The following CPA4 variants were observed in gnomAD, a reference collection of about 807,000 sequenced individuals.
CPA4 encodes the protein carboxypeptidase A4.
A neutral mutation model predicts 54.7 loss-of-function variants in CPA4; 49 were observed. The ratio of observed to expected loss-of-function variants is 0.90; its 90% CI spans 0.71 to 1.14. The LOEUF (loss-of-function observed/expected upper bound fraction) is 1.14. Among genes scored for constraint, CPA4 ranks in the 50% most tolerant of loss-of-function variants. The probability of loss-of-function intolerance (pLI) is 0.00; values close to 1 mark genes in which losing one functional copy is unlikely to be tolerated. For synonymous variants in CPA4, 215 were observed against 206.8 expected, an observed-to-expected ratio of 1.04 and a Z score of -0.34; for missense variants, 487 against 525.1, an observed-to-expected ratio of 0.93 and a Z score of 0.71.
At position 130,310,833 on chromosome 7, in the gene CPA4, C is replaced by G. The variant is rs776540909; in HGVS notation, c.840C>G (p.Pro280=). 1 of 1,614,234 alleles carries G rather than the reference C, an allele frequency of 6.2e-7. No individual in the cohort carries two copies. The highest frequency in any genetic ancestry group is 8.5e-7 in the Non-Finnish European group (1 of 1,180,038). Residue 280 remains proline (P), a synonymous_variant, in exon 9 of 11, where the codon CCC becomes CCG. Transcript: ENST00000222482. The surrounding 1 kb of genome is among the most constrained non-coding windows in gnomAD (Gnocchi z 4.3). ...CTTGCTCCGAAGTGTACCATGGACC[C>G]CACGCCAATTCGGAAGTGGAGGTGA... The part of the protein sequence containing the change: ...DNPCSEVYHG[P]HANSEVEVKS...
chr7:130,293,285 G>A (rs747582956), intron 1 of CPA4, 37 bp downstream of exon 1: 1 of 1,191,412 alleles, frequency 8.4e-7, no homozygotes, highest in East Asian at 2.3e-5. Flanking sequence ...GGTTATTTCA[G>A]AAATATGGGA....
At chr7:130,316,800 G>T (rs1324862168) in intron 10 of CPA4, among the ~76,000 whole-genome samples, 1 of 151,874 alleles carries the variant, frequency 6.6e-6, no homozygotes, top group Non-Finnish European at 1.5e-5. Context: ...GGGCATTGTG[G>T]TGTGCGCCTG....
chr7:130,296,547 C>T (rs1793651301), intron 1 of CPA4, among the ~76,000 whole-genome samples: 1 of 152,146 alleles, frequency 6.6e-6, no homozygotes, highest in Non-Finnish European at 1.5e-5. Flanking sequence ...TTATGTCCTC[C>T]TTTTTTCTCC....
At chr7:130,311,190 A>G (rs183196625) in intron 9 of CPA4, among the ~76,000 whole-genome samples, 169 of 152,200 alleles carry the variant, frequency 1.1e-3, no homozygotes, top group African/African-American at 3.9e-3. Flanking sequence ...TGTGTCTGCT[A>G]TGAGTTCCCA....
chr7:130,303,246 A>G (rs1424196195), intron 4 of CPA4, among the ~76,000 whole-genome samples: 2 of 137,874 alleles, frequency 1.5e-5, no homozygotes, highest in Non-Finnish European at 3.3e-5. Context: ...GATAAATTCT[A>G]TTTAAATCGA....
Position 130,298,846 on chromosome 7 carries a change from C to T in CPA4, c.150+19C>T, listed in dbSNP as rs778161334. ...CTTGAAGGTACCTGGTTCTTTTTAG[C>T]TCTCCTGAGTGTTTTCTAACTTTGC... On this transcript the variant is annotated intron_variant, in intron 2 of 10. Transcript: ENST00000222482. 11 of 1,470,450 alleles carry T rather than the reference C, an allele frequency of 7.5e-6. 1 individual carries two copies. In the East Asian group the frequency reaches 1.6e-4, roughly 21 times the overall value. 91.1% of individuals were successfully genotyped at this position (1,470,450 alleles called of 1,614,324 possible).
intron 8 of CPA4, among the ~76,000 whole-genome samples, chr7:130,309,350 C>A (rs1209092596): frequency 1.3e-5 from 2 of 152,196 alleles, no homozygotes; most frequent in African/African-American, 4.8e-5. Flanking sequence ...AAGTTGTGAG[C>A]AGGCGGAAGG....
intron 10 of CPA4, among the ~76,000 whole-genome samples, chr7:130,319,962 C>T (rs1300180234): frequency 6.6e-6 from 1 of 152,022 alleles, no homozygotes; most frequent in East Asian, 1.9e-4. Flanking sequence ...GGTGGTGGGG[C>T]AGGTATGGGG....
rs747011709 is a variant in CPA4, at chr7:130,322,625, G to C, written c.1215G>C (p.Thr405=). ...ANQIIPTAEE[T]WLGLKTIMEH... ...AGATCATCCCCACTGCAGAGGAGAC[G>C]TGGCTGGGGCTGAAGACCATCATGG... The change falls in exon 11 of 11, where the codon ACG becomes ACC. Residue 405 remains threonine (T), a synonymous_variant. Coordinates refer to ENST00000222482, the MANE Select transcript of CPA4 (RefSeq NM_016352.4). 3.1e-6 allele frequency: 5 copies of C among 1,614,238 alleles called. No individual in the cohort carries two copies. The Admixed American group carries it at 8.3e-5, about 27-fold the overall frequency.
chr7:130,297,661 G>A (rs1453722518), intron 1 of CPA4, among the ~76,000 whole-genome samples: 1 of 152,190 alleles, frequency 6.6e-6, no homozygotes, highest in East Asian at 1.9e-4. Flanking sequence ...GTTTTCTGAT[G>A]AGGAGCTGCC....
rs1234323292 is a variant in CPA4 at position 130,323,860 on chromosome 7, G to A, written c.*1184G>A. On this transcript the variant is annotated 3_prime_UTR_variant, in exon 11 of 11. Coordinates refer to ENST00000222482, the MANE Select transcript of CPA4 (RefSeq NM_016352.4). ...TCACTGCCCTGGCACATTCCCATTT[G>A]TGCTGTGGTGTATCCTGTGTTTCCT... is the stretch of plus-strand genomic sequence containing the variant. The A allele has an allele frequency of 2.0e-5, 3 of 152,654 alleles. No homozygotes were observed. Among genetic ancestry groups the A allele is most frequent in the African/African-American group, 7.3e-5 (3 of 41,176 alleles). 9.5% of individuals were successfully genotyped at this position (152,654 alleles called of 1,614,324 possible). A position where few individuals can be genotyped will look rare whatever the true frequency, so the allele number is the denominator to read the frequency against.
At chr7:130,311,909 G>T in intron 9 of CPA4, 129 bp from the exon 10 acceptor site, 1 of 700,538 alleles carries the variant, frequency 1.4e-6, no homozygotes, top group South Asian at 1.7e-5. Context: ...TGGGCGAAGG[G>T]GAAACAAGGG....
chr7:130,313,564 T>C (rs1793944709), intron 10 of CPA4, among the ~76,000 whole-genome samples: 1 of 148,300 alleles, frequency 6.7e-6, no homozygotes. Flanking sequence ...TAAAGAACCC[T>C]GTAGTTCTGT....
chr7:130,313,956 C>T (rs1008839604), intron 10 of CPA4, among the ~76,000 whole-genome samples: 1 of 152,148 alleles, frequency 6.6e-6, no homozygotes, highest in African/African-American at 2.4e-5. Context: ...GGGAGACACC[C>T]ACTATGGTAG....
intron 1 of CPA4, among the ~76,000 whole-genome samples, chr7:130,297,734 A>C (rs1793672121): frequency 6.6e-6 from 1 of 152,210 alleles, no homozygotes; most frequent in Admixed American, 6.5e-5. Context: ...CCTTGAGCCC[A>C]CAGCGGCTCT....
At chr7:130,318,657 C>T (rs1337896049) in intron 10 of CPA4, among the ~76,000 whole-genome samples, 1 of 152,036 alleles carries the variant, frequency 6.6e-6, no homozygotes, top group Non-Finnish European at 1.5e-5. Context: ...GTGATCTGCC[C>T]GCCTCGGCCT....
At chr7:130,302,488 CAAA>C (rs35708499) in intron 4 of CPA4, among the ~76,000 whole-genome samples, 9 of 79,470 alleles carry the variant, frequency 1.1e-4, no homozygotes, top group African/African-American at 8.9e-5. Context: ...GACTCTGTCT[CAAA>C]AAAAAAAAAA....
intron 7 of CPA4, 112 bp from the exon 8 acceptor site, chr7:130,308,195 C>T: frequency 1.2e-6 from 1 of 865,894 alleles, no homozygotes; most frequent in Non-Finnish European, 2.0e-6. Context: ...CCAGGGCCCT[C>T]CTGGCAGAAC....
intron 1 of CPA4, among the ~76,000 whole-genome samples, chr7:130,294,071 T>G (rs545556126): frequency 3.3e-5 from 5 of 152,194 alleles, no homozygotes; most frequent in Non-Finnish European, 7.3e-5. Context: ...AGAGCTTTCA[T>G]GTACATTATC....
Sources: allele counts gnomAD v4.1 joint callset (sites outside exome capture counted in the v4.1 genomes callset), GRCh38; gene constraint gnomAD v4.1.1; non-coding constraint Gnocchi (gnomAD v3.1); transcripts MANE v1.5; gene names NCBI Gene and HGNC (gene_info 2026-07-23, HGNC 2026-07-21).